The following SALL1 variants were observed in gnomAD, a reference collection of about 807,000 sequenced individuals.
SALL1 encodes spalt like transcription factor 1, also known as sal-like protein 1.
A neutral mutation model predicts 73.1 loss-of-function variants in SALL1; 10 were observed. The ratio of observed to expected loss-of-function variants is 0.14; its 90% CI spans 0.08 to 0.23. SALL1 has a LOEUF of 0.23. Ranked by LOEUF, SALL1 falls within the 10% of genes least tolerant of loss-of-function variation. The pLI is 1.00. For missense variants in SALL1, 1,520 were observed against 1,697.3 expected, an observed-to-expected ratio of 0.90 and a Z score of 1.84; for synonymous variants, 688 against 689.8, an observed-to-expected ratio of 1.00 and a Z score of 0.04.
chr16:51,141,613 G>A lies in SALL1; in HGVS notation c.609C>T (p.Thr203=). 6.2e-7 allele frequency: 1 copy of A among 1,614,070 alleles called. No individual in the cohort carries two copies. The highest frequency in any genetic ancestry group is 1.1e-5 in the South Asian group (1 of 91,074). The change falls in exon 2 of 3, where the codon ACC becomes ACT. Residue 203 remains threonine, a synonymous_variant. Coordinates refer to ENST00000251020, the MANE Select transcript of SALL1 (RefSeq NM_002968.3). This position sits in a 1 kb window ranked among gnomAD's most constrained non-coding sequence, Gnocchi z 5.4. Reference sequence around the variant, plus strand: ...GGGAGAACTGGGCCACCGCCACCTTGGTGCTCTGGAGGTTCTCGATGATGA... The same window carrying A: ...GGGAGAACTGGGCCACCGCCACCTTAGTGCTCTGGAGGTTCTCGATGATGA... ...SNVIIENLQS[T]KVAVAQFSQE...
chr16:51,152,055 C>T (rs1186922107), upstream of SALL1: 10 of 151,760 alleles, frequency 6.6e-5, no homozygotes, highest in African/African-American at 2.2e-4. Flanking sequence ...AGCCCCACGC[C>T]GGTCCGCCTC....
chr16:51,144,413 C>T (rs1274146098), intron 1 of SALL1, among the ~76,000 whole-genome samples: 1 of 152,166 alleles, frequency 6.6e-6, no homozygotes, highest in Non-Finnish European at 1.5e-5. Flanking sequence ...TCAACCAGCT[C>T]ACATTTATCA....
Position 51,140,403 on chromosome 16 carries a change from C to T in SALL1, c.1819G>A (p.Gly607Arg). The T allele has an allele frequency of 6.2e-7, 1 of 1,614,086 alleles. No individual in the cohort carries two copies. The highest frequency in any genetic ancestry group is 8.5e-7 in the Non-Finnish European group (1 of 1,180,010). Residue 607 changes from glycine (G) to arginine (R), a missense_variant, in exon 2 of 3, where the codon GGG becomes AGG. By Grantham distance (125) the Gly-to-Arg change is moderately radical. Transcript: ENST00000251020. This position sits in a 1 kb window ranked among gnomAD's most constrained non-coding sequence, Gnocchi z 5.7. ...GACCCTTCGGCTTCCTCTGGGAGCC[C>T]ACCTAGGTTTCTTGTGGCTGACTCA... ...GPESATRNLG[G>R]LPEEAEGSTL...
chr16:51,142,236 T>A (rs59785450), intron 1 of SALL1, 91 bp from the exon 2 acceptor site: 1 of 1,025,628 alleles, frequency 9.8e-7, no homozygotes, highest in African/African-American at 1.6e-5. Flanking sequence ...TCAATGGTTT[T>A]CCACCTGCAA....
Position 51,141,182 on chromosome 16 carries a change from G to T in SALL1, c.1040C>A (p.Ala347Glu), listed in dbSNP as rs375711024. Residue 347 changes from alanine to glutamate, a missense_variant, in exon 2 of 3, where the codon GCA becomes GAA. Coordinates refer to ENST00000251020, the MANE Select transcript of SALL1 (RefSeq NM_002968.3). This position sits in a 1 kb window ranked among gnomAD's most constrained non-coding sequence, Gnocchi z 5.4. Reference protein sequence around the residue: ...SSPNMNILAAAVTTPSSEKVA... With the variant: ...SSPNMNILAAEVTTPSSEKVA... ...TTTTTCAGAGGACGGGGTGGTAACT[G>T]CCGCTGCCAATATGTTCATATTGGG... 2.5e-6 allele frequency: 4 copies of T among 1,614,076 alleles called. No individual in the cohort carries two copies. In the African/African-American group the frequency reaches 4.0e-5, roughly 16 times the overall value.
chr16:51,140,986 A>T lies in SALL1; in HGVS notation c.1236T>A (p.Thr412=), dbSNP rs746551170. 4 of 1,614,226 alleles carry T rather than the reference A, an allele frequency of 2.5e-6. No individual in the cohort carries two copies. The South Asian group carries it at 4.4e-5, about 18-fold the overall frequency. ...FPSPLPNIGT[T]AEDLNSLSAL... is the part of the protein sequence containing the mutation. ...CAGACAAGGAGTTTAAATCCTCTGC[A>T]GTTGTTCCGATGTTGGGCAAAGGGC... The change falls in exon 2 of 3, where the codon ACT becomes ACA. Residue 412 remains threonine (T), a synonymous_variant. Transcript: ENST00000251020. This position sits in a 1 kb window ranked among gnomAD's most constrained non-coding sequence, Gnocchi z 5.7.
chr16:51,150,649 G>A (rs1421380222), intron 1 of SALL1: 2 of 880,072 alleles, frequency 2.3e-6, no homozygotes, highest in Non-Finnish European at 2.7e-6. Flanking sequence ...GGGGCAGGGG[G>A]GCGCAGCGAA....
At chr16:51,145,262 T>A (rs1962499797) in intron 1 of SALL1, among the ~76,000 whole-genome samples, 1 of 151,476 alleles carries the variant, frequency 6.6e-6, no homozygotes, top group African/African-American at 2.4e-5. Context: ...GAACATGTTA[T>A]AATTAATTTT....
At chr16:51,142,431 A>G (rs1962458564) in intron 1 of SALL1, among the ~76,000 whole-genome samples, 1 of 152,194 alleles carries the variant, frequency 6.6e-6, no homozygotes, top group Admixed American at 6.5e-5. Flanking sequence ...TTCCATAGCA[A>G]AATATTGATT....
chr16:51,139,432 G>A lies in SALL1; in HGVS notation c.2790C>T (p.Ser930=), dbSNP rs1962371519. The change falls in exon 2 of 3, where the codon TCC becomes TCT. Residue 930 remains serine (S), a synonymous_variant. Coordinates refer to ENST00000251020, the MANE Select transcript of SALL1 (RefSeq NM_002968.3). ...GGAACTCCTGCGTGCTGTTGGACGG[G>A]GACAGAGCCTGCATGGAAGAGGTAG... ...SESTSSMQAL[S]PSNSTQEFHK... is the part of the protein sequence containing the mutation. 1 of 1,614,132 alleles carries A rather than the reference G, an allele frequency of 6.2e-7. No homozygotes were observed. Among genetic ancestry groups the A allele is most frequent in the South Asian group, 1.1e-5 (1 of 91,068 alleles).
chr16:51,139,295 T>G lies in SALL1; in HGVS notation c.2927A>C (p.His976Pro). Residue 976 changes from histidine to proline, a missense_variant, in exon 2 of 3, where the codon CAC becomes CCC. Around this residue, in one of 7 missense-constraint regions of SALL1, gnomAD observed 266 missense variants for 275.1 expected, o/e 0.97. Coordinates refer to ENST00000251020, the MANE Select transcript of SALL1 (RefSeq NM_002968.3). ...ATCTTCTTTGATGATTTTCTCTGCG[T>G]GACTAGATGTCAAATCCAAAGCCCC... ...NGGALDLTSS[H>P]AEKIIKEDSL... 1 of 1,614,168 alleles carries G rather than the reference T, an allele frequency of 6.2e-7. No homozygotes were observed.
intron 2 of SALL1, 119 bp from the exon 3 acceptor site, chr16:51,137,671 A>C: frequency 3.9e-6 from 3 of 766,588 alleles, no homozygotes; most frequent in African/African-American, 1.7e-5. Context: ...CCACAAAGCA[A>C]GTGGCCTAAA....
Position 51,140,140 on chromosome 16 carries a change from C to T in SALL1, c.2082G>A (p.Leu694=). 6.2e-7 allele frequency: 1 copy of T among 1,614,166 alleles called. No individual in the cohort carries two copies. Among genetic ancestry groups the T allele is most frequent in the Non-Finnish European group, 8.5e-7 (1 of 1,180,046 alleles). The change falls in exon 2 of 3, where the codon CTG becomes CTA. Residue 694 remains leucine, a synonymous_variant. Coordinates refer to ENST00000251020, the MANE Select transcript of SALL1 (RefSeq NM_002968.3). The surrounding 1 kb of genome is among the most constrained non-coding windows in gnomAD (Gnocchi z 5.7). ...QASETSKLQQ[L]VENIDKKATD... is the part of the protein sequence containing the mutation. ...TGGCCTTCTTGTCAATGTTTTCTAC[C>T]AGTTGCTGAAGCTTGGACGTCTCTG...
chr16:51,151,014 G>T lies in SALL1; in HGVS notation c.76+152C>A, dbSNP rs1198041708. ...GCAAAGGCACATTGAAAATTAAAAAGAAAAAAAAAATTACGCCGAGTGGAA... is the reference window on the plus strand; with the variant it reads ...GCAAAGGCACATTGAAAATTAAAAATAAAAAAAAAATTACGCCGAGTGGAA... On this transcript the variant is annotated intron_variant, in intron 1 of 2. Coordinates refer to ENST00000251020, the MANE Select transcript of SALL1 (RefSeq NM_002968.3). The T allele has an allele frequency of 6.0e-5, 26 of 433,256 alleles. No individual in the cohort carries two copies. In the East Asian group the frequency reaches 9.2e-4, roughly 15 times the overall value. The allele number at this position is 433,256 out of a possible 1,614,324, so 26.8% of individuals were successfully genotyped here.
intron 2 of SALL1, 105 bp downstream of exon 2, chr16:51,138,583 T>G: frequency 7.1e-7 from 1 of 1,413,666 alleles, no homozygotes; most frequent in Non-Finnish European, 9.5e-7. Flanking sequence ...AAGAGCTCTC[T>G]CCCTGAATAT....
chr16:51,137,331 G>T lies in SALL1; in HGVS notation c.3756C>A (p.Ile1252=), dbSNP rs780922110. ...SNGLAMKANE[I]SVIQNGGIPP... The stretch of plus-strand genomic sequence containing the variant: ...GGATGCCACCGTTCTGAATGACGGA[G>T]ATCTCGTTGGCCTTCATCGCCAGCC... Residue 1252 remains isoleucine (I), a synonymous_variant, in exon 3 of 3, where the codon ATC becomes ATA. Transcript: ENST00000251020. The T allele has an allele frequency of 6.2e-6, 10 of 1,614,042 alleles. No homozygotes were observed. The highest frequency in any genetic ancestry group is 8.5e-6 in the Non-Finnish European group (10 of 1,180,046).
At chr16:51,138,128 T>C (rs1362772368) in intron 2 of SALL1, among the ~76,000 whole-genome samples, 1 of 152,226 alleles carries the variant, frequency 6.6e-6, no homozygotes, top group Non-Finnish European at 1.5e-5. Context: ...ACTGTTGCTC[T>C]AGAACTTAAG....
chr16:51,145,022 T>C (rs921471064), intron 1 of SALL1, among the ~76,000 whole-genome samples: 1 of 151,876 alleles, frequency 6.6e-6, no homozygotes, highest in African/African-American at 2.4e-5. Context: ...AAAGCAGGTG[T>C]CGCTACACTG....
intron 1 of SALL1, among the ~76,000 whole-genome samples, chr16:51,146,370 G>C (rs1054403675): frequency 7.2e-5 from 11 of 152,046 alleles, no homozygotes; most frequent in African/African-American, 1.9e-4. Flanking sequence ...ACACTAGATG[G>C]GGTTCCAGTT....
Sources: gnomAD v4.1 joint callset for allele counts (sites outside exome capture counted in the v4.1 genomes callset) on GRCh38, gnomAD v4.1.1 for gene constraint, gnomAD v4.1.1 regional missense constraint, Gnocchi (gnomAD v3.1) non-coding constraint, MANE v1.5 for transcripts, NCBI Gene and HGNC (gene_info 2026-07-23, HGNC 2026-07-21) for gene names.